Variants in MACROD2 observed in about 807,000 individuals in gnomAD.
The protein encoded by MACROD2 is mono-ADP ribosylhydrolase 2.
In MACROD2, 36 loss-of-function variants were observed where a neutral mutation model predicts 70.4. That is an observed-to-expected ratio of 0.51 (90% CI 0.39 to 0.68). MACROD2 has a LOEUF of 0.68. Among genes scored for constraint, MACROD2 ranks in the 30% least tolerant of loss-of-function variants. The pLI is 0.00. For missense variants in MACROD2, 496 were observed against 538.4 expected, an observed-to-expected ratio of 0.92 and a Z score of 0.78; for synonymous variants, 172 against 178.8, an observed-to-expected ratio of 0.96 and a Z score of 0.30.
intron 5 of MACROD2, among the ~76,000 whole-genome samples, chr20:14,784,670 G>A (rs966698611): frequency 2.7e-5 from 1 of 37,010 alleles, no homozygotes; most frequent in East Asian, 5.7e-3. Flanking sequence ...GTTTTAAGTG[G>A]GGGGGGGGGG....
At chr20:14,127,663 A>T in intron 3 of MACROD2, 2 of 398,938 alleles carry the variant, frequency 5.0e-6, no homozygotes, top group Middle Eastern at 3.7e-4. Context: ...TACCATTTCC[A>T]TCTGGTATTC....
At chr20:14,852,033 T>A (rs894815614) in intron 5 of MACROD2, among the ~76,000 whole-genome samples, 2 of 151,900 alleles carry the variant, frequency 1.3e-5, no homozygotes, top group East Asian at 3.9e-4. Context: ...AAAGAGGAAA[T>A]TTAAGCTTTA....
intron 8 of MACROD2, among the ~76,000 whole-genome samples, chr20:15,572,228 C>A (rs1287162403): frequency 6.6e-6 from 1 of 152,048 alleles, no homozygotes; most frequent in Non-Finnish European, 1.5e-5. Context: ...GAAATGACAG[C>A]ATGAACACTT....
At chr20:15,408,843 G>A (rs908037186) in intron 6 of MACROD2, among the ~76,000 whole-genome samples, 1 of 152,186 alleles carries the variant, frequency 6.6e-6, no homozygotes, top group African/African-American at 2.4e-5. Flanking sequence ...CTTTTAAGAG[G>A]TAAAACACGT....
At position 15,322,137 on chromosome 20, in the gene MACROD2, G is replaced by A. The variant is rs1432051163; in HGVS notation, c.540+92076G>A. On this transcript the variant is annotated intron_variant, in intron 6 of 17. Coordinates refer to ENST00000684519, the MANE Select transcript of MACROD2 (RefSeq NM_001351661.2). ...TAAGGGGTTGAAATTTATTCTAATTGTTAGTGTCTCAGCTTCATTATTCCT... is the reference window on the plus strand; with the variant it reads ...TAAGGGGTTGAAATTTATTCTAATTATTAGTGTCTCAGCTTCATTATTCCT... Among the ~76,000 whole-genome samples, 4 of 143,750 alleles carry A rather than the reference G, an allele frequency of 2.8e-5. 1 individual carries two copies. The highest frequency in any genetic ancestry group is 6.3e-5 in the Non-Finnish European group (4 of 63,570). The allele number at this position is 143,750 out of a possible 152,430, so 94.3% of individuals were successfully genotyped here. A position where few individuals can be genotyped will look rare whatever the true frequency, so the allele number is the denominator to read the frequency against.
At chr20:14,930,444 A>G (rs972286989) in intron 5 of MACROD2, among the ~76,000 whole-genome samples, 1 of 151,940 alleles carries the variant, frequency 6.6e-6, no homozygotes, top group African/African-American at 2.4e-5. Flanking sequence ...CTGGAGTTCA[A>G]CTATCCAGGT....
intron 3 of MACROD2, among the ~76,000 whole-genome samples, chr20:14,228,596 A>AT (rs1189594712): frequency 1.3e-5 from 2 of 152,292 alleles, no homozygotes; most frequent in East Asian, 3.9e-4. Context: ...CATAAGTTAG[A>AT]TTTTTACTTA....
intron 5 of MACROD2, among the ~76,000 whole-genome samples, chr20:14,703,280 A>C (rs1042414447): frequency 2.0e-5 from 3 of 152,124 alleles, no homozygotes; most frequent in Admixed American, 6.5e-5. Flanking sequence ...GGTAAAATCT[A>C]GCAATGAACA....
intron 15 of MACROD2, among the ~76,000 whole-genome samples, chr20:15,992,607 C>T (rs1167187081): frequency 6.6e-6 from 1 of 152,134 alleles, no homozygotes; most frequent in Non-Finnish European, 1.5e-5. Flanking sequence ...TTTAAGAGAC[C>T]ATCTCTTCTA....
At chr20:14,607,363 T>G (rs1982871692) in intron 4 of MACROD2, among the ~76,000 whole-genome samples, 2 of 152,140 alleles carry the variant, frequency 1.3e-5, no homozygotes, top group Admixed American at 1.3e-4. Context: ...TAAAACACAA[T>G]TGGCCCTAAA....
intron 8 of MACROD2, among the ~76,000 whole-genome samples, chr20:15,795,894 G>C (rs1162860744): frequency 6.6e-6 from 1 of 152,196 alleles, no homozygotes; most frequent in African/African-American, 2.4e-5. Flanking sequence ...AGGCTGGACA[G>C]TCCTTACCTC....
intron 4 of MACROD2, among the ~76,000 whole-genome samples, chr20:14,498,284 A>G (rs533290768): frequency 1.3e-5 from 2 of 148,700 alleles, no homozygotes; most frequent in Admixed American, 1.3e-4. Context: ...ACCAAAAGCT[A>G]TTGAAATAAA....
chr20:15,499,673 A>T, intron 7 of MACROD2, 101 bp from the exon 8 acceptor site: 1 of 1,010,834 alleles, frequency 9.9e-7, no homozygotes, highest in Non-Finnish European at 1.5e-6. Flanking sequence ...GGTTGAACTG[A>T]ATGTTGTTTA....
At chr20:14,837,901 C>T (rs6110445) in intron 5 of MACROD2, among the ~76,000 whole-genome samples, 4,165 of 151,110 alleles carry the variant, frequency 0.028, 196 homozygotes, top group African/African-American at 0.095. Flanking sequence ...ATTCCACATT[C>T]CCCCTGAGGG....
intron 3 of MACROD2, among the ~76,000 whole-genome samples, chr20:14,328,663 T>C (rs952796944): frequency 3.3e-5 from 5 of 152,132 alleles, no homozygotes; most frequent in African/African-American, 4.8e-5. Flanking sequence ...CTGGGACTTA[T>C]AAACTTTTGT....
chr20:15,380,076 T>A (rs1377469979), intron 6 of MACROD2, among the ~76,000 whole-genome samples: 1 of 152,168 alleles, frequency 6.6e-6, no homozygotes, highest in East Asian at 1.9e-4. Flanking sequence ...GGCTCCTTCC[T>A]GTAAATCAGG....
chr20:14,951,331 T>G (rs1183770598), intron 5 of MACROD2, among the ~76,000 whole-genome samples: 1 of 152,094 alleles, frequency 6.6e-6, no homozygotes, highest in East Asian at 1.9e-4. Context: ...AAGCTGGTTA[T>G]GAGTAAGCCA....
At chr20:14,500,206 G>A (rs2084901498) in intron 4 of MACROD2, among the ~76,000 whole-genome samples, 1 of 152,180 alleles carries the variant, frequency 6.6e-6, no homozygotes, top group African/African-American at 2.4e-5. Flanking sequence ...TGTTTTCTTT[G>A]ACAGTCCCAG....
At chr20:15,996,347 G>C (rs907372109) in intron 15 of MACROD2, among the ~76,000 whole-genome samples, 1 of 152,022 alleles carries the variant, frequency 6.6e-6, no homozygotes, top group African/African-American at 2.4e-5. Flanking sequence ...TCAACATAAT[G>C]CTGGCCCCAT....
Sources: allele counts gnomAD v4.1 joint callset (sites outside exome capture counted in the v4.1 genomes callset), GRCh38; gene constraint gnomAD v4.1.1; transcripts MANE v1.5; gene names NCBI Gene and HGNC (gene_info 2026-07-23, HGNC 2026-07-21).